The following CCDC138 variants were observed in gnomAD, a reference collection of about 807,000 sequenced individuals.
CCDC138 encodes the protein coiled-coil domain containing 138.
A neutral mutation model predicts 82.3 loss-of-function variants in CCDC138; 66 were observed. That is an observed-to-expected ratio of 0.80 (90% CI 0.66 to 0.98). The LOEUF (loss-of-function observed/expected upper bound fraction) is 0.98, where lower values mean the gene tolerates loss of function less well. Ranked by LOEUF, CCDC138 falls within the 50% of genes least tolerant of loss-of-function variation. The probability of loss-of-function intolerance (pLI) is 0.00; values close to 1 mark genes in which losing one functional copy is unlikely to be tolerated. For missense variants in CCDC138, 816 were observed against 758.9 expected, an observed-to-expected ratio of 1.08 and a Z score of -0.88; for synonymous variants, 297 against 265.4, an observed-to-expected ratio of 1.12 and a Z score of -1.16.
chr2:108,803,795 G>C (rs568979687), intron 6 of CCDC138, among the ~76,000 whole-genome samples: 1 of 152,154 alleles, frequency 6.6e-6, no homozygotes, highest in Admixed American at 6.5e-5. Context: ...GGTTTATTTA[G>C]GGCTTTTAGC....
At chr2:108,791,646 A>G (rs1679925645) in intron 3 of CCDC138, 29 bp from the exon 4 acceptor site, 1 of 1,596,856 alleles carries the variant, frequency 6.3e-7, no homozygotes, top group African/African-American at 1.3e-5. Context: ...AAACTTCTAG[A>G]TTGCTGTGAT....
In CCDC138 at chr2:108,815,937, A is replaced by G. The variant is rs1261131217; in HGVS notation, c.1042-4A>G. 1.9e-6 allele frequency: 3 copies of G among 1,599,040 alleles called. No homozygotes were observed. Among genetic ancestry groups the G allele is most frequent in the Non-Finnish European group, 1.7e-6 (2 of 1,174,886 alleles). On this transcript the variant is annotated splice_polypyrimidine_tract_variant and splice_region_variant and intron_variant, in intron 9 of 14. Coordinates refer to ENST00000295124, the MANE Select transcript of CCDC138 (RefSeq NM_144978.3). ...AAATAAATGATTTAATTTTTGACATATAGGTACCACTTAATGGGCAAGTTT... is the reference window on the plus strand; with the variant it reads ...AAATAAATGATTTAATTTTTGACATGTAGGTACCACTTAATGGGCAAGTTT...
chr2:108,837,425 G>A (rs112744501), intron 10 of CCDC138, among the ~76,000 whole-genome samples: 1 of 152,126 alleles, frequency 6.6e-6, no homozygotes, highest in Non-Finnish European at 1.5e-5. Context: ...ATACCGCCAT[G>A]CACTGTATAA....
intron 13 of CCDC138, among the ~76,000 whole-genome samples, chr2:108,858,446 G>A (rs1031074289): frequency 2.0e-5 from 3 of 152,162 alleles, no homozygotes; most frequent in African/African-American, 7.2e-5. Flanking sequence ...AAGCCGTATT[G>A]TGTTTAGTGA....
At chr2:108,847,704 T>C (rs932200571) in intron 12 of CCDC138, among the ~76,000 whole-genome samples, 7 of 152,248 alleles carry the variant, frequency 4.6e-5, no homozygotes, top group Non-Finnish European at 1.0e-4. Flanking sequence ...CTTCCCTGTT[T>C]GTTAAATTTT....
intron 7 of CCDC138, among the ~76,000 whole-genome samples, chr2:108,809,886 A>G (rs1259347322): frequency 6.6e-6 from 1 of 152,022 alleles, no homozygotes. Context: ...GCTCACTGCA[A>G]CCTCCACCTC....
chr2:108,872,831 ACATCT>A (rs1282793573), intron 13 of CCDC138, among the ~76,000 whole-genome samples: 3 of 152,164 alleles, frequency 2.0e-5, no homozygotes, highest in Non-Finnish European at 4.4e-5. Context: ...CAGGCCCCCC[ACATCT>A]CATGTCCTCA....
chr2:108,822,185 T>G (rs983084217), intron 10 of CCDC138, among the ~76,000 whole-genome samples: 1 of 151,962 alleles, frequency 6.6e-6, no homozygotes, highest in Non-Finnish European at 1.5e-5. Context: ...AAAATATACT[T>G]TACGTCAAAA....
chr2:108,829,795 A>G (rs1356914090), intron 10 of CCDC138, among the ~76,000 whole-genome samples: 2 of 152,176 alleles, frequency 1.3e-5, no homozygotes, highest in African/African-American at 4.8e-5. Context: ...GTTGGCAAGG[A>G]TGTCAGAAAG....
intron 14 of CCDC138, among the ~76,000 whole-genome samples, chr2:108,875,225 TAAG>T (rs1220558890): frequency 2.1e-5 from 3 of 144,582 alleles, no homozygotes; most frequent in Non-Finnish European, 4.5e-5. Context: ...GACAAGGAAA[TAAG>T]AAACAAAGCT....
chr2:108,833,692 T>C (rs1219019491), intron 10 of CCDC138, among the ~76,000 whole-genome samples: 1 of 151,904 alleles, frequency 6.6e-6, no homozygotes, highest in African/African-American at 2.4e-5. Context: ...ACAAATTTTT[T>C]TGTTGACAAA....
At chr2:108,849,459 A>T (rs766627789) in intron 12 of CCDC138, among the ~76,000 whole-genome samples, 42 of 152,090 alleles carry the variant, frequency 2.8e-4, no homozygotes, top group Non-Finnish European at 5.3e-4. Context: ...ACTGGATTTC[A>T]GGAATACTGC....
At chr2:108,883,249 G>A (rs1015128197) in intron 2 of CCDC138, 8 of 152,184 alleles carry the variant, frequency 5.3e-5, no homozygotes, top group African/African-American at 1.9e-4. Context: ...TGGCAAATCT[G>A]TAGCACCCAG....
At chr2:108,848,943 A>G (rs549098664) in intron 12 of CCDC138, among the ~76,000 whole-genome samples, 8 of 152,346 alleles carry the variant, frequency 5.3e-5, no homozygotes, top group Admixed American at 4.6e-4. Context: ...TTAGTAGACA[A>G]GTCTTTACTG....
chr2:108,837,257 C>T (rs1202185950), intron 10 of CCDC138, among the ~76,000 whole-genome samples: 5 of 152,104 alleles, frequency 3.3e-5, no homozygotes, highest in Non-Finnish European at 7.4e-5. Flanking sequence ...GGCGTTGAAT[C>T]TTGTTCAGTG....
At chr2:108,851,084 G>T (rs1338492137) in intron 12 of CCDC138, among the ~76,000 whole-genome samples, 1 of 152,088 alleles carries the variant, frequency 6.6e-6, no homozygotes, top group Non-Finnish European at 1.5e-5. Context: ...GGTTTAATTT[G>T]CTGGAGTAGC....
chr2:108,817,875 C>G (rs931196611), intron 10 of CCDC138, among the ~76,000 whole-genome samples: 4 of 152,156 alleles, frequency 2.6e-5, no homozygotes, highest in Non-Finnish European at 5.9e-5. Flanking sequence ...CAATAGGACA[C>G]AAATACACCT....
chr2:108,811,064 T>C (rs1683725162), intron 7 of CCDC138, among the ~76,000 whole-genome samples: 1 of 150,854 alleles, frequency 6.6e-6, no homozygotes, highest in South Asian at 2.1e-4. Context: ...ATTTTTCCGA[T>C]TTTATCTGTT....
chr2:108,871,219 A>C (rs943230953), intron 13 of CCDC138, among the ~76,000 whole-genome samples: 1 of 152,008 alleles, frequency 6.6e-6, no homozygotes, highest in Non-Finnish European at 1.5e-5. Context: ...AAAATGGATT[A>C]GAGTCATAAA....
Sources: allele counts gnomAD v4.1 joint callset (sites outside exome capture counted in the v4.1 genomes callset), GRCh38; gene constraint gnomAD v4.1.1; transcripts MANE v1.5; gene names NCBI Gene and HGNC (gene_info 2026-07-23, HGNC 2026-07-21).